Variants in PDE4D observed in about 807,000 individuals in gnomAD.
PDE4D encodes 3',5'-cyclic-AMP phosphodiesterase 4D.
A neutral mutation model predicts 87.4 loss-of-function variants in PDE4D; 24 were observed. The ratio of observed to expected loss-of-function variants is 0.27; its 90% CI spans 0.20 to 0.39. The LOEUF (loss-of-function observed/expected upper bound fraction) is 0.39. Ranked by LOEUF, PDE4D falls within the 10% of genes least tolerant of loss-of-function variation. PDE4D has a pLI of 1.00. For missense variants in PDE4D, 714 were observed against 1,041.0 expected (o/e 0.69, Z 4.32); for synonymous variants, 384 against 383.2 (o/e 1.00, Z -0.02).
chr5:59,090,993 G>T, intron 5 of PDE4D: 2 of 394,324 alleles, frequency 5.1e-6, no homozygotes, highest in Non-Finnish European at 1.0e-5. Context: ...CAGAAATGCT[G>T]TTTAGAAAGT....
At chr5:59,381,566 C>T (rs935911997) in intron 1 of PDE4D, among the ~76,000 whole-genome samples, 2 of 152,106 alleles carry the variant, frequency 1.3e-5, no homozygotes, top group African/African-American at 4.8e-5. Flanking sequence ...TTAAATCTCA[C>T]ACAATCACCT....
intron 1 of PDE4D, among the ~76,000 whole-genome samples, chr5:60,311,393 C>T (rs75284447): frequency 0.037 from 5,593 of 152,242 alleles, 149 homozygotes; most frequent in East Asian, 0.089. Context: ...ACAAGCCAGA[C>T]GAGGCCAGAG....
chr5:59,985,334 G>A (rs1762350951), intron 3 of PDE4D, among the ~76,000 whole-genome samples: 2 of 151,356 alleles, frequency 1.3e-5, no homozygotes, highest in South Asian at 4.2e-4. Flanking sequence ...GTACAGACTG[G>A]GTTTCACCGT....
At chr5:59,973,836 TAAAC>T (rs997748906) in intron 3 of PDE4D, among the ~76,000 whole-genome samples, 4 of 151,934 alleles carry the variant, frequency 2.6e-5, no homozygotes, top group South Asian at 2.1e-4. Context: ...CAGTGTAAAT[TAAAC>T]AAACAAACAA....
chr5:60,288,168 AT>A (rs1028058758), intron 1 of PDE4D, among the ~76,000 whole-genome samples: 1 of 152,174 alleles, frequency 6.6e-6, no homozygotes, highest in African/African-American at 2.4e-5. Context: ...TACTCCAAGC[AT>A]TTTTCCCCCT....
At chr5:60,290,513 T>A (rs1243453651) in intron 1 of PDE4D, among the ~76,000 whole-genome samples, 1 of 152,034 alleles carries the variant, frequency 6.6e-6, no homozygotes, top group Non-Finnish European at 1.5e-5. Context: ...TATAGAATAA[T>A]ACATAGGAGG....
intron 2 of PDE4D, chr5:60,148,000 T>C (rs1181069401): frequency 7.7e-6 from 2 of 260,728 alleles, no homozygotes; most frequent in Admixed American, 1.0e-4. Context: ...CTGATACAAT[T>C]TGAAAGGAGA....
chr5:59,533,461 G>C (rs905223687), intron 1 of PDE4D, among the ~76,000 whole-genome samples: 3 of 147,360 alleles, frequency 2.0e-5, no homozygotes, highest in Non-Finnish European at 4.4e-5. Flanking sequence ...ACTAAAGGGT[G>C]GGGGGGTCAA....
intron 1 of PDE4D, among the ~76,000 whole-genome samples, chr5:60,459,452 T>C (rs1302089362): frequency 6.6e-6 from 1 of 152,076 alleles, no homozygotes; most frequent in Non-Finnish European, 1.5e-5. Flanking sequence ...TAACTGTCCA[T>C]ATTCACATAG....
chr5:59,371,195 A>G (rs1355046679), intron 1 of PDE4D, among the ~76,000 whole-genome samples: 1 of 152,226 alleles, frequency 6.6e-6, no homozygotes, highest in Non-Finnish European at 1.5e-5. Context: ...TAGGAAAAGA[A>G]AGGAAAGAAA....
intron 1 of PDE4D, among the ~76,000 whole-genome samples, chr5:59,242,873 T>C (rs768101922): frequency 6.6e-6 from 1 of 152,172 alleles, no homozygotes; most frequent in Non-Finnish European, 1.5e-5. Context: ...GAATTCTCCA[T>C]CGTTATACTG....
At chr5:60,352,431 G>T (rs1468894187) in intron 1 of PDE4D, among the ~76,000 whole-genome samples, 3 of 152,318 alleles carry the variant, frequency 2.0e-5, no homozygotes, top group African/African-American at 7.2e-5. Context: ...CTGCTCAAAA[G>T]CAGGTAGTAT....
At chr5:59,013,926 C>G (rs1269592526) in intron 6 of PDE4D, among the ~76,000 whole-genome samples, 1 of 152,188 alleles carries the variant, frequency 6.6e-6, no homozygotes, top group Non-Finnish European at 1.5e-5. Context: ...AATCCAGCAG[C>G]ACATCAAAAA....
intron 1 of PDE4D, among the ~76,000 whole-genome samples, chr5:60,425,373 A>C (rs1172215841): frequency 6.6e-6 from 1 of 152,178 alleles, no homozygotes; most frequent in Non-Finnish European, 1.5e-5. Context: ...CTCAGAAATA[A>C]CACCACACAT....
At chr5:59,577,354 A>T (rs1368982242) in intron 1 of PDE4D, among the ~76,000 whole-genome samples, 1 of 152,146 alleles carries the variant, frequency 6.6e-6, no homozygotes, top group Non-Finnish European at 1.5e-5. Flanking sequence ...TCCATAGGAG[A>T]GGCCAAATAC....
At chr5:59,111,414 G>A (rs1411732731) in intron 5 of PDE4D, among the ~76,000 whole-genome samples, 1 of 152,152 alleles carries the variant, frequency 6.6e-6, no homozygotes, top group African/African-American at 2.4e-5. Flanking sequence ...CAGTTTTCTA[G>A]GGAGATCATA....
Position 60,161,658 on chromosome 5 carries a change from C to T in PDE4D, c.42+23899G>A, listed in dbSNP as rs535832091. Among the ~76,000 whole-genome samples the T allele has an allele frequency of 2.6e-5, 4 of 152,220 alleles. No homozygotes were observed. The South Asian group carries it at 8.3e-4, about 32-fold the overall frequency. ...TATGATTGAAACATGCATATTTTCC[C>T]CTCACCTTCACAGTACTGCACTACA... On this transcript the variant is annotated intron_variant, in intron 2 of 16. Coordinates refer to the PDE4D transcript ENST00000502484.
intron 1 of PDE4D, among the ~76,000 whole-genome samples, chr5:59,377,392 G>C (rs1426032336): frequency 1.3e-5 from 2 of 150,686 alleles, no homozygotes; most frequent in Admixed American, 1.3e-4. Context: ...ACTCCAGCCT[G>C]GGTGACAGAG....
chr5:60,064,425 G>C (rs1254126675), intron 2 of PDE4D, among the ~76,000 whole-genome samples: 2 of 151,980 alleles, frequency 1.3e-5, no homozygotes, highest in African/African-American at 4.8e-5. Context: ...ATGCCTTTTT[G>C]TATAACTACA....
Sources: gnomAD v4.1 joint callset for allele counts (sites outside exome capture counted in the v4.1 genomes callset) on GRCh38, gnomAD v4.1.1 for gene constraint, MANE v1.5 for transcripts, NCBI Gene and HGNC (gene_info 2026-07-23, HGNC 2026-07-21) for gene names.